Variants in TTYH2 observed in about 807,000 individuals in gnomAD.
The protein encoded by TTYH2 is protein tweety homolog 2.
Under a neutral mutation model 68.3 loss-of-function variants are expected in TTYH2, and 49 were observed. That is an observed-to-expected ratio of 0.72 (90% confidence interval 0.57 to 0.91). The LOEUF (loss-of-function observed/expected upper bound fraction) is 0.91. TTYH2 is among the 40% of genes least tolerant of loss of function. The probability of loss-of-function intolerance (pLI) is 0.00; values close to 1 mark genes in which losing one functional copy is unlikely to be tolerated. For synonymous variants in TTYH2, 272 were observed against 300.8 expected (o/e 0.90, Z 0.99); for missense variants, 631 against 700.4 (o/e 0.90, Z 1.12).
At chr17:74,238,247 A>T (rs891110899) in intron 4 of TTYH2, among the ~76,000 whole-genome samples, 2 of 152,100 alleles carry the variant, frequency 1.3e-5, no homozygotes, top group Admixed American at 1.3e-4. Flanking sequence ...CCACAGGGTT[A>T]TGGGGGGTTG....
At chr17:74,238,227 A>G (rs1056138256) in intron 4 of TTYH2, among the ~76,000 whole-genome samples, 10 of 152,278 alleles carry the variant, frequency 6.6e-5, no homozygotes, top group African/African-American at 2.4e-4. Flanking sequence ...TCTTGTATCC[A>G]CAGACACAGC....
At position 74,232,833 on chromosome 17, in the gene TTYH2, A is replaced by G. The variant is rs574731821; in HGVS notation, c.414+1834A>G. Among the ~76,000 whole-genome samples, 5 of 152,270 alleles carry G rather than the reference A, an allele frequency of 3.3e-5. No individual in the cohort carries two copies. Among genetic ancestry groups the G allele is most frequent in the African/African-American group, 1.2e-4 (5 of 41,556 alleles). On this transcript the variant is annotated intron_variant, in intron 3 of 13. Coordinates refer to ENST00000269346, the MANE Select transcript of TTYH2 (RefSeq NM_032646.6). This position sits in a 1 kb window ranked among gnomAD's most constrained non-coding sequence, Gnocchi z 5.1. ...AAAACATCAAGTCCTAGAAGTCCCT[A>G]TCCCACAGGACGAGAGCTGCCAGGG...
intron 2 of TTYH2, among the ~76,000 whole-genome samples, chr17:74,223,478 C>T (rs547962839): frequency 3.3e-5 from 5 of 152,158 alleles, no homozygotes; most frequent in African/African-American, 1.2e-4. Flanking sequence ...GACATTGCTC[C>T]CCCCTCAGCT....
At chr17:74,252,090 A>T (rs2050636586) in intron 10 of TTYH2, 144 bp from the exon 11 acceptor site, 1 of 993,162 alleles carries the variant, frequency 1.0e-6, no homozygotes, top group Non-Finnish European at 1.5e-6. Flanking sequence ...TGGACCTTTA[A>T]TGGTGCTGCA....
chr17:74,258,197 G>A (rs2050712326), intron 13 of TTYH2, among the ~76,000 whole-genome samples: 1 of 152,130 alleles, frequency 6.6e-6, no homozygotes. Flanking sequence ...ACTTGCGTAT[G>A]CATCAGAATC....
chr17:74,237,262 C>G (rs756141048), intron 3 of TTYH2, 32 bp from the exon 4 acceptor site: 1 of 1,607,186 alleles, frequency 6.2e-7, no homozygotes, highest in South Asian at 1.1e-5. Flanking sequence ...GAAGCTCTAC[C>G]TCCATGGCTT....
chr17:74,250,264 G>T lies in TTYH2; in HGVS notation c.1024-1G>T. 1 of 1,612,404 alleles carries T rather than the reference G, an allele frequency of 6.2e-7. No homozygotes were observed. Among genetic ancestry groups the T allele is most frequent in the Non-Finnish European group, 8.5e-7 (1 of 1,179,164 alleles). ...CCTCTCTCGCTCTCTTCCCGCTTCAGGAAGACCTGCTTGCAATCCAGCTCC... is the reference window on the plus strand; with the variant it reads ...CCTCTCTCGCTCTCTTCCCGCTTCATGAAGACCTGCTTGCAATCCAGCTCC... On this transcript the variant is annotated splice_acceptor_variant, in intron 9 of 13. Transcript: ENST00000269346. LOFTEE classifies it high-confidence loss of function.
rs1022902404 is a variant in TTYH2, at chr17:74,215,265, C to A, written c.129+1549C>A. On this transcript the variant is annotated intron_variant, in intron 1 of 13. Coordinates refer to ENST00000269346, the MANE Select transcript of TTYH2 (RefSeq NM_032646.6). This position sits in a 1 kb window ranked among gnomAD's most constrained non-coding sequence, Gnocchi z 4.3. ...CGGGGTCTCCAGCCATAGTTTTCTC[C>A]TCTCCACTGGAGGAAATCTAAACTT... 1.2e-4 allele frequency among the ~76,000 whole-genome samples: 18 copies of A among 152,040 alleles called. No individual in the cohort carries two copies. Among genetic ancestry groups the A allele is most frequent in the African/African-American group, 4.1e-4 (17 of 41,342 alleles).
intron 2 of TTYH2, among the ~76,000 whole-genome samples, chr17:74,224,482 T>C (rs1355686115): frequency 6.6e-6 from 1 of 152,170 alleles, no homozygotes; most frequent in African/African-American, 2.4e-5. Flanking sequence ...ACAGTAAGAA[T>C]GGCATGAGGA....
intron 2 of TTYH2, among the ~76,000 whole-genome samples, chr17:74,224,773 G>A (rs1307981901): frequency 6.6e-6 from 1 of 152,224 alleles, no homozygotes; most frequent in Admixed American, 6.5e-5. Flanking sequence ...GCCAAGGTGG[G>A]TGGATCACTT....
intron 13 of TTYH2, among the ~76,000 whole-genome samples, chr17:74,257,341 AAGACCC>A (rs1421729359): frequency 6.6e-6 from 1 of 152,168 alleles, no homozygotes; most frequent in Admixed American, 6.6e-5. Flanking sequence ...CTGCCCTGGG[AAGACCC>A]TTCCACCTCC....
At chr17:74,216,769 G>C (rs992504942) in intron 1 of TTYH2, among the ~76,000 whole-genome samples, 1 of 152,266 alleles carries the variant, frequency 6.6e-6, no homozygotes, top group Non-Finnish European at 1.5e-5. Flanking sequence ...TGGGCTGCCA[G>C]ATGTGGCTGT....
intron 13 of TTYH2, among the ~76,000 whole-genome samples, chr17:74,255,516 A>G (rs1173757379): frequency 6.6e-6 from 1 of 151,652 alleles, no homozygotes; most frequent in Non-Finnish European, 1.5e-5. Context: ...CAGTGATGTC[A>G]TCTCAGCTCA....
chr17:74,255,975 A>C (rs954623774), intron 13 of TTYH2, among the ~76,000 whole-genome samples: 1 of 152,222 alleles, frequency 6.6e-6, no homozygotes, highest in African/African-American at 2.4e-5. Flanking sequence ...AAGTGCACGC[A>C]CAGGCACCCA....
Position 74,215,822 on chromosome 17 carries a change from G to A in TTYH2, c.129+2106G>A. Reference sequence around the variant, plus strand: ...CGTCGGTCATCCCAGTCTTCAGCAAGCTTGACTGGAGCAAGTGCTATGCCA... The same window carrying A: ...CGTCGGTCATCCCAGTCTTCAGCAAACTTGACTGGAGCAAGTGCTATGCCA... On this transcript the variant is annotated intron_variant, in intron 1 of 13. Transcript: ENST00000269346. This position sits in a 1 kb window ranked among gnomAD's most constrained non-coding sequence, Gnocchi z 4.3. 1 of 1,135,974 alleles carries A rather than the reference G, an allele frequency of 8.8e-7. No individual in the cohort carries two copies. Among genetic ancestry groups the A allele is most frequent in the Non-Finnish European group, 1.3e-6 (1 of 789,104 alleles). 70.4% of individuals were successfully genotyped at this position (1,135,974 alleles called of 1,614,324 possible).
intron 6 of TTYH2, among the ~76,000 whole-genome samples, chr17:74,244,305 G>A (rs1032819870): frequency 3.9e-5 from 6 of 152,252 alleles, no homozygotes; most frequent in African/African-American, 1.4e-4. Context: ...AGAAGCCCCC[G>A]GCTGCCCAGG....
In TTYH2 at chr17:74,243,422, C is replaced by T. The variant is rs1375424978; in HGVS notation, c.684C>T (p.Leu228=). The change falls in exon 5 of 14, where the codon CTC becomes CTT. Residue 228 remains leucine (L), a synonymous_variant. Transcript: ENST00000269346. ...LLFILDLVIC[L]IACLGLAKRS... ...TTATCCTGGACCTGGTCATCTGCCT[C>T]ATTGCCTGCCTGGGACTGGCCAAGC... 6.2e-7 allele frequency: 1 copy of T among 1,614,232 alleles called. No homozygotes were observed. Among genetic ancestry groups the T allele is most frequent in the East Asian group, 2.2e-5 (1 of 44,892 alleles).
chr17:74,249,205 A>G, intron 7 of TTYH2, 125 bp downstream of exon 7: 1 of 1,560,350 alleles, frequency 6.4e-7, no homozygotes. Context: ...AGTCCAGCTC[A>G]TGCTCTAGGC....
chr17:74,252,120 C>A, intron 10 of TTYH2, 114 bp from the exon 11 acceptor site: 3 of 1,376,594 alleles, frequency 2.2e-6, no homozygotes, highest in East Asian at 4.6e-5. Flanking sequence ...GGATGGGGAG[C>A]AGCCAGGAGA....
Sources: gnomAD v4.1 joint callset for allele counts (sites outside exome capture counted in the v4.1 genomes callset) on GRCh38, gnomAD v4.1.1 for gene constraint, Gnocchi (gnomAD v3.1) non-coding constraint, MANE v1.5 for transcripts, NCBI Gene and HGNC (gene_info 2026-07-23, HGNC 2026-07-21) for gene names.